The following CMTM7 variants were observed in gnomAD, a reference collection of about 807,000 sequenced individuals.
CMTM7 encodes the protein CKLF-like MARVEL transmembrane domain-containing protein 7.
Under a neutral mutation model 19.3 loss-of-function variants are expected in CMTM7, and 7 were observed. That is an observed-to-expected ratio of 0.36 (90% CI 0.21 to 0.68). The LOEUF (loss-of-function observed/expected upper bound fraction) is 0.68, where lower values mean the gene tolerates loss of function less well. Ranked by LOEUF, CMTM7 falls within the 30% of genes least tolerant of loss-of-function variation. The pLI is 0.60. For synonymous variants in CMTM7, 87 were observed against 99.3 expected (o/e 0.88, Z 0.74); for missense variants, 193 against 232.6 (o/e 0.83, Z 1.11).
In CMTM7 at chr3:32,421,731, A is replaced by G. The variant is rs74665016; in HGVS notation, c.160-20109A>G. ...GTGACAACACACTGCACTTAGAGGA[A>G]TCATCATTTTTGTGCTACTTTGTGC... On this transcript the variant is annotated intron_variant, in intron 1 of 4. Transcript: ENST00000334983. Among the ~76,000 whole-genome samples, 21 of 152,308 alleles carry G rather than the reference A, an allele frequency of 1.4e-4. No individual in the cohort carries two copies. In the East Asian group the frequency reaches 4.0e-3, roughly 29 times the overall value.
intron 1 of CMTM7, among the ~76,000 whole-genome samples, chr3:32,419,462 C>G (rs937844546): frequency 2.8e-4 from 43 of 152,328 alleles, no homozygotes; most frequent in African/African-American, 1.0e-3. Context: ...TGGGGGAAAG[C>G]ATGCAGTATC....
rs994490887 is a variant in CMTM7 at position 32,449,474 on chromosome 3, C to T, written c.354C>T (p.Ile118=). 18 of 1,613,908 alleles carry T rather than the reference C, an allele frequency of 1.1e-5. No homozygotes were observed. Among genetic ancestry groups the T allele is most frequent in the Non-Finnish European group, 1.4e-5 (17 of 1,179,894 alleles). The change falls in exon 3 of 5, where the codon ATC becomes ATT. Residue 118 remains isoleucine, a synonymous_variant. Transcript: ENST00000334983. The surrounding 1 kb of genome is among the most constrained non-coding windows in gnomAD (Gnocchi z 4.5). ...WPLSELLHYL[I]GTLLLLIASI... ...CCCAGGAACTTCTGCACTATTTAAT[C>T]GGTACCCTGCTCCTCCTCATCGCCT...
intron 1 of CMTM7, among the ~76,000 whole-genome samples, chr3:32,398,261 C>G (rs908674184): frequency 3.9e-5 from 6 of 152,242 alleles, no homozygotes; most frequent in African/African-American, 1.4e-4. Flanking sequence ...AGGATAGACT[C>G]TTTCTGCCTG....
intron 1 of CMTM7, among the ~76,000 whole-genome samples, chr3:32,392,416 G>A (rs1695850945): frequency 6.6e-6 from 1 of 152,250 alleles, no homozygotes; most frequent in African/African-American, 2.4e-5. Context: ...TCTGGGCCGC[G>A]CCGCTTCGAA....
At chr3:32,411,722 T>C (rs1272992321) in intron 1 of CMTM7, among the ~76,000 whole-genome samples, 1 of 152,376 alleles carries the variant, frequency 6.6e-6, no homozygotes, top group African/African-American at 2.4e-5. Context: ...TGCTGGTGTG[T>C]CTGACCTTGC....
At chr3:32,433,847 G>C (rs1036257213) in intron 1 of CMTM7, among the ~76,000 whole-genome samples, 6 of 152,206 alleles carry the variant, frequency 3.9e-5, no homozygotes, top group Admixed American at 3.9e-4. Context: ...TGACTGATTG[G>C]ATACAATCAG....
chr3:32,415,705 A>C (rs1230034058), intron 1 of CMTM7, among the ~76,000 whole-genome samples: 1 of 152,226 alleles, frequency 6.6e-6, no homozygotes, highest in Non-Finnish European at 1.5e-5. Context: ...ACCTCCTTTC[A>C]GTAGTCTAGT....
intron 1 of CMTM7, among the ~76,000 whole-genome samples, chr3:32,424,667 C>T (rs1696401232): frequency 6.7e-6 from 1 of 149,144 alleles, no homozygotes. Context: ...TGGGGGGATA[C>T]ATGGTCTCAC....
intron 3 of CMTM7, chr3:32,451,147 A>T (rs1277050803): frequency 6.6e-6 from 1 of 152,312 alleles, no homozygotes; most frequent in Non-Finnish European, 1.5e-5. Context: ...TGTGCTGTAG[A>T]CAATTGGTAC....
At chr3:32,452,118 G>T (rs1696841256) in intron 3 of CMTM7, 1 of 1,455,238 alleles carries the variant, frequency 6.9e-7, no homozygotes, top group East Asian at 3.0e-5. Flanking sequence ...TGTAAACCCA[G>T]ACCAGGCACT....
chr3:32,402,859 G>A (rs200214872), intron 1 of CMTM7, among the ~76,000 whole-genome samples: 1 of 152,180 alleles, frequency 6.6e-6, no homozygotes, highest in Non-Finnish European at 1.5e-5. Flanking sequence ...CACTATGGCC[G>A]GCCACTCATT....
chr3:32,404,130 TTTTC>T lies in CMTM7; in HGVS notation c.159+12077_159+12080del, dbSNP rs201541662. On this transcript the variant is annotated intron_variant, in intron 1 of 4. Coordinates refer to ENST00000334983, the MANE Select transcript of CMTM7 (RefSeq NM_138410.4). ...ACATGCAATTTCCCTTTGTTTAATCTTTTCTTTCTTTCTTTTTTTTTCTTTTTTT... is the reference window on the plus strand; with the variant it reads ...ACATGCAATTTCCCTTTGTTTAATCTTTTCTTTCTTTTTTTTTCTTTTTTT... Among the ~76,000 whole-genome samples, 46 of 150,040 alleles carry T rather than the reference TTTTC, an allele frequency of 3.1e-4. 2 individuals are homozygous for T. Among genetic ancestry groups the T allele is most frequent in the African/African-American group, 1.1e-3 (45 of 40,942 alleles).
chr3:32,413,777 T>G (rs535753338), intron 1 of CMTM7, among the ~76,000 whole-genome samples: 1 of 152,314 alleles, frequency 6.6e-6, no homozygotes, highest in Non-Finnish European at 1.5e-5. Context: ...TTAAACTACT[T>G]TTTTGGGGAA....
chr3:32,430,456 C>T (rs541804216), intron 1 of CMTM7, among the ~76,000 whole-genome samples: 5 of 152,218 alleles, frequency 3.3e-5, no homozygotes, highest in Admixed American at 6.5e-5. Flanking sequence ...GTTGAGAATT[C>T]GATTCAACCC....
At chr3:32,402,776 G>A (rs1434386774) in intron 1 of CMTM7, among the ~76,000 whole-genome samples, 1 of 151,940 alleles carries the variant, frequency 6.6e-6, no homozygotes, top group Non-Finnish European at 1.5e-5. Context: ...ATGTGGCCAG[G>A]CTGGTATCGA....
At chr3:32,409,127 C>T (rs967030495) in intron 1 of CMTM7, among the ~76,000 whole-genome samples, 7 of 152,106 alleles carry the variant, frequency 4.6e-5, no homozygotes, top group Non-Finnish European at 8.8e-5. Context: ...ATGATACGCC[C>T]GCCTGGGCCT....
chr3:32,393,069 G>C (rs1695864105), intron 1 of CMTM7, among the ~76,000 whole-genome samples: 2 of 152,104 alleles, frequency 1.3e-5, no homozygotes, highest in African/African-American at 4.8e-5. Flanking sequence ...AGGAGTGTGG[G>C]GCTGGACAAG....
chr3:32,398,411 C>G (rs999669291), intron 1 of CMTM7, among the ~76,000 whole-genome samples: 1 of 152,056 alleles, frequency 6.6e-6, no homozygotes, highest in Non-Finnish European at 1.5e-5. Context: ...TGTTGATCAC[C>G]TACTGTGATC....
chr3:32,427,487 T>C (rs1006178519), intron 1 of CMTM7, among the ~76,000 whole-genome samples: 1 of 152,146 alleles, frequency 6.6e-6, no homozygotes, highest in African/African-American at 2.4e-5. Flanking sequence ...GAGTGCTTCT[T>C]AGACAGTCTG....
Sources: gnomAD v4.1 joint callset for allele counts (sites outside exome capture counted in the v4.1 genomes callset) on GRCh38, gnomAD v4.1.1 for gene constraint, Gnocchi (gnomAD v3.1) non-coding constraint, MANE v1.5 for transcripts, NCBI Gene and HGNC (gene_info 2026-07-23, HGNC 2026-07-21) for gene names.